AGBL4: variants seen among roughly 807,000 people sequenced by gnomAD.
The protein encoded by AGBL4 is AGBL carboxypeptidase 4, also known as cytosolic carboxypeptidase 6.
In AGBL4, 58 loss-of-function variants were observed where a neutral mutation model predicts 66.4. That is an observed-to-expected ratio of 0.87 (90% CI 0.71 to 1.09). The LOEUF (loss-of-function observed/expected upper bound fraction) is 1.09. Among genes scored for constraint, AGBL4 ranks in the 50% least tolerant of loss-of-function variants. AGBL4 has a pLI of 0.00. For missense variants in AGBL4, 579 were observed against 631.0 expected, an observed-to-expected ratio of 0.92 and a Z score of 0.88; for synonymous variants, 234 against 222.9, an observed-to-expected ratio of 1.05 and a Z score of -0.44.
chr1:49,815,446 C>T (rs952615017), intron 2 of AGBL4, among the ~76,000 whole-genome samples: 1 of 152,158 alleles, frequency 6.6e-6, no homozygotes, highest in African/African-American at 2.4e-5. Context: ...GCTTCAAAAT[C>T]TTGGCTATTA....
At chr1:49,281,283 AT>A (rs1644267121) in intron 3 of AGBL4, among the ~76,000 whole-genome samples, 1 of 152,218 alleles carries the variant, frequency 6.6e-6, no homozygotes. Context: ...TACTCACATG[AT>A]GAGACTTTCT....
intron 2 of AGBL4, among the ~76,000 whole-genome samples, chr1:49,716,279 T>A (rs1271858438): frequency 6.6e-6 from 1 of 152,126 alleles, no homozygotes; most frequent in African/African-American, 2.4e-5. Flanking sequence ...TGGAGTTATT[T>A]CTGAAGCCTC....
intron 3 of AGBL4, among the ~76,000 whole-genome samples, chr1:49,681,885 T>C (rs1250410469): frequency 6.6e-6 from 1 of 152,188 alleles, no homozygotes; most frequent in Non-Finnish European, 1.5e-5. Context: ...GCCTTTTTAA[T>C]ATGGAAGTTT....
chr1:49,883,101 A>G (rs562872303), intron 1 of AGBL4, among the ~76,000 whole-genome samples: 1 of 152,308 alleles, frequency 6.6e-6, no homozygotes, highest in African/African-American at 2.4e-5. Context: ...TTTGTTCATA[A>G]TTTTATCCAA....
intron 1 of AGBL4, among the ~76,000 whole-genome samples, chr1:50,011,422 A>T (rs907540203): frequency 6.6e-6 from 1 of 152,226 alleles, no homozygotes; most frequent in South Asian, 2.1e-4. Flanking sequence ...GAACCCTCGT[A>T]TACTGCTGGT....
chr1:48,634,895 C>G (rs1224801706), intron 8 of AGBL4, among the ~76,000 whole-genome samples: 1 of 152,108 alleles, frequency 6.6e-6, no homozygotes, highest in Admixed American at 6.5e-5. Flanking sequence ...GACACATGAC[C>G]CATAGACACA....
chr1:49,775,716 G>GTAAA, intron 2 of AGBL4, among the ~76,000 whole-genome samples: 1 of 151,982 alleles, frequency 6.6e-6, no homozygotes, highest in Non-Finnish European at 1.5e-5. Flanking sequence ...TACTTTATCA[G>GTAAA]TGTCTTATAC....
At chr1:49,750,699 T>C (rs1283449506) in intron 2 of AGBL4, among the ~76,000 whole-genome samples, 4 of 152,234 alleles carry the variant, frequency 2.6e-5, no homozygotes, top group Non-Finnish European at 5.9e-5. Context: ...ATTTTCACAA[T>C]ATTGATTCTT....
chr1:49,494,344 A>C (rs1252274055), intron 3 of AGBL4, among the ~76,000 whole-genome samples: 7 of 151,854 alleles, frequency 4.6e-5, no homozygotes, highest in Admixed American at 2.6e-4. Flanking sequence ...TTACATATGT[A>C]TACATGTGAC....
At chr1:48,929,277 A>G (rs1654840587) in intron 5 of AGBL4, among the ~76,000 whole-genome samples, 1 of 152,102 alleles carries the variant, frequency 6.6e-6, no homozygotes, top group South Asian at 2.1e-4. Flanking sequence ...CCCCACCTAC[A>G]TCTCACCTAC....
intron 6 of AGBL4, among the ~76,000 whole-genome samples, chr1:48,694,733 G>C (rs1646688102): frequency 6.6e-6 from 1 of 152,128 alleles, no homozygotes; most frequent in Non-Finnish European, 1.5e-5. Context: ...CCAGGCATTA[G>C]GGGTCCAGAG....
intron 6 of AGBL4, chr1:48,761,225 G>T: frequency 2.5e-6 from 3 of 1,182,368 alleles, no homozygotes; most frequent in Non-Finnish European, 3.5e-6. Flanking sequence ...ATCATAGCCT[G>T]TGATACCAGG....
chr1:48,915,026 C>G (rs907099038), intron 5 of AGBL4, among the ~76,000 whole-genome samples: 1 of 152,244 alleles, frequency 6.6e-6, no homozygotes, highest in Non-Finnish European at 1.5e-5. Flanking sequence ...GTAAAGCAGA[C>G]TGATTCGTCC....
intron 3 of AGBL4, among the ~76,000 whole-genome samples, chr1:49,608,506 C>G (rs1477328690): frequency 6.6e-6 from 1 of 152,102 alleles, no homozygotes; most frequent in Non-Finnish European, 1.5e-5. Flanking sequence ...CAGGCCTTAG[C>G]CTGCTGTGGT....
intron 6 of AGBL4, among the ~76,000 whole-genome samples, chr1:48,769,793 C>A (rs754822770): frequency 3.3e-5 from 5 of 152,166 alleles, no homozygotes; most frequent in Admixed American, 6.5e-5. Flanking sequence ...CAATTACTAT[C>A]TCCATGCTAT....
intron 5 of AGBL4, among the ~76,000 whole-genome samples, chr1:48,935,099 A>C (rs1655341398): frequency 6.6e-6 from 1 of 152,246 alleles, no homozygotes; most frequent in South Asian, 2.1e-4. Flanking sequence ...TTAGGAAGAC[A>C]TGAATTTGTA....
chr1:48,815,120 G>A (rs1570736993), intron 6 of AGBL4, among the ~76,000 whole-genome samples: 1 of 151,966 alleles, frequency 6.6e-6, no homozygotes, highest in African/African-American at 2.4e-5. Context: ...ACCTCATTGT[G>A]GTTTTCATTG....
intron 9 of AGBL4, among the ~76,000 whole-genome samples, chr1:48,591,964 G>A (rs183536400): frequency 1.1e-3 from 164 of 152,330 alleles, no homozygotes; most frequent in Middle Eastern, 3.4e-3. Context: ...ATCCCAGAGA[G>A]ATTGCTCCAC....
At chr1:49,482,672 G>A (rs566298346) in intron 3 of AGBL4, among the ~76,000 whole-genome samples, 3 of 151,578 alleles carry the variant, frequency 2.0e-5, no homozygotes, top group East Asian at 2.0e-4. Flanking sequence ...TGCTAGCTTC[G>A]AGATTTGTTT....
Sources: gnomAD v4.1 joint callset for allele counts (sites outside exome capture counted in the v4.1 genomes callset) on GRCh38, gnomAD v4.1.1 for gene constraint, MANE v1.5 for transcripts, NCBI Gene and HGNC (gene_info 2026-07-23, HGNC 2026-07-21) for gene names.